Variants in RBFOX1 observed in about 807,000 individuals in gnomAD.
RBFOX1 encodes the protein RNA binding protein fox-1 homolog 1.
Under a neutral mutation model 57.7 loss-of-function variants are expected in RBFOX1, and 8 were observed. The ratio of observed to expected loss-of-function variants is 0.14; its 90% CI spans 0.08 to 0.25. The LOEUF (loss-of-function observed/expected upper bound fraction) is 0.25, where lower values mean the gene tolerates loss of function less well. Ranked by LOEUF, RBFOX1 falls within the 10% of genes least tolerant of loss-of-function variation. The probability of loss-of-function intolerance (pLI) is 1.00; values close to 1 mark genes in which losing one functional copy is unlikely to be tolerated. For synonymous variants in RBFOX1, 326 were observed against 222.4 expected (o/e 1.47, Z -4.15); for missense variants, 611 against 548.5 (o/e 1.11, Z -1.14).
chr16:5,564,981 G>A (rs562216182), intron 2 of RBFOX1, among the ~76,000 whole-genome samples: 23 of 152,246 alleles, frequency 1.5e-4, no homozygotes, highest in African/African-American at 5.5e-4. Flanking sequence ...TACTGGATGA[G>A]GGATGGCACT....
intron 3 of RBFOX1, among the ~76,000 whole-genome samples, chr16:5,807,874 G>A (rs995107218): frequency 1.3e-5 from 2 of 152,180 alleles, no homozygotes; most frequent in Admixed American, 6.5e-5. Context: ...TGAGGAGCAG[G>A]GAGCTGGACA....
At chr16:6,773,558 G>A (rs530413047) in intron 3 of RBFOX1, among the ~76,000 whole-genome samples, 2 of 143,014 alleles carry the variant, frequency 1.4e-5, no homozygotes, top group Admixed American at 7.0e-5. Flanking sequence ...GTGCATTTGT[G>A]TGTGTATGTG....
intron 3 of RBFOX1, among the ~76,000 whole-genome samples, chr16:6,905,277 G>T (rs145849419): frequency 1.2e-3 from 180 of 151,980 alleles, no homozygotes; most frequent in Non-Finnish European, 1.2e-4. Flanking sequence ...AGAATGGCTG[G>T]CCTCAGTAGG....
At chr16:6,862,970 G>C (rs1367665068) in intron 3 of RBFOX1, among the ~76,000 whole-genome samples, 1 of 140,322 alleles carries the variant, frequency 7.1e-6, no homozygotes, top group Non-Finnish European at 1.6e-5. Flanking sequence ...GGGCGACAGA[G>C]GGAGACTCTG....
At chr16:7,321,976 C>T (rs1056976261) in intron 4 of RBFOX1, among the ~76,000 whole-genome samples, 2 of 152,234 alleles carry the variant, frequency 1.3e-5, no homozygotes, top group Non-Finnish European at 2.9e-5. Flanking sequence ...CAGCTTGGTT[C>T]TGGGTCCCTC....
At chr16:7,219,651 C>T (rs766441159) in intron 4 of RBFOX1, among the ~76,000 whole-genome samples, 1 of 152,102 alleles carries the variant, frequency 6.6e-6, no homozygotes, top group Non-Finnish European at 1.5e-5. Context: ...TTGTCAAACT[C>T]GGAGTAAAAC....
intron 2 of RBFOX1, among the ~76,000 whole-genome samples, chr16:5,510,463 G>T (rs181833056): frequency 2.0e-5 from 3 of 151,266 alleles, no homozygotes; most frequent in Non-Finnish European, 4.4e-5. Context: ...GCCTCTCAAA[G>T]CCAAGTCCTG....
rs529051773 is a variant in RBFOX1, at chr16:7,178,027, C to T, written c.27+125929C>T. On this transcript the variant is annotated intron_variant, in intron 4 of 15. Transcript: ENST00000550418. ...GATTCAGAATCTCTGAGAGTAAAGG[C>T]CAGCCATGTACACTTGTACTGTTGT... is the stretch of plus-strand genomic sequence containing the variant. Among the ~76,000 whole-genome samples, 9 of 152,288 alleles carry T rather than the reference C, an allele frequency of 5.9e-5. No homozygotes were observed. In the South Asian group the frequency reaches 1.9e-3, roughly 32 times the overall value.
chr16:7,054,622 A>G (rs962860669), intron 4 of RBFOX1, among the ~76,000 whole-genome samples: 1 of 151,916 alleles, frequency 6.6e-6, no homozygotes, highest in East Asian at 1.9e-4. Context: ...AATGAAATGC[A>G]TTTTCCTCAA....
chr16:6,624,007 G>A (rs2098270805), intron 2 of RBFOX1, among the ~76,000 whole-genome samples: 2 of 152,144 alleles, frequency 1.3e-5, no homozygotes, highest in Admixed American at 1.3e-4. Context: ...AGATCCCTGA[G>A]GAGTCGCCAC....
intron 3 of RBFOX1, among the ~76,000 whole-genome samples, chr16:6,952,462 C>T (rs963655264): frequency 2.0e-5 from 3 of 151,914 alleles, no homozygotes; most frequent in Admixed American, 6.6e-5. Flanking sequence ...GCCTGGGCCA[C>T]GTATTAAGAC....
intron 4 of RBFOX1, among the ~76,000 whole-genome samples, chr16:7,423,709 G>A (rs956591451): frequency 3.0e-4 from 45 of 152,178 alleles, no homozygotes; most frequent in Admixed American, 1.0e-3. Context: ...CAGAGGAGGA[G>A]GCTGGGCCAC....
chr16:6,427,097 G>A (rs183411191), intron 2 of RBFOX1, among the ~76,000 whole-genome samples: 2 of 152,292 alleles, frequency 1.3e-5, no homozygotes, highest in Admixed American at 1.3e-4. Flanking sequence ...GCTGTAGAGT[G>A]ACACAGAAAC....
intron 4 of RBFOX1, among the ~76,000 whole-genome samples, chr16:7,352,816 G>A (rs761410456): frequency 7.2e-4 from 110 of 152,064 alleles, no homozygotes; most frequent in Admixed American, 3.9e-3. Context: ...CTTGGGTTCA[G>A]GTGATCCTCC....
At chr16:6,363,688 C>G (rs1002505869) in intron 2 of RBFOX1, among the ~76,000 whole-genome samples, 1 of 152,158 alleles carries the variant, frequency 6.6e-6, no homozygotes, top group African/African-American at 2.4e-5. Flanking sequence ...GAAAAACACT[C>G]CGGGGCTTAG....
intron 3 of RBFOX1, among the ~76,000 whole-genome samples, chr16:5,701,859 C>T (rs2051061745): frequency 6.6e-6 from 1 of 152,158 alleles, no homozygotes; most frequent in African/African-American, 2.4e-5. Flanking sequence ...TTTAAATGCC[C>T]ATTTTGAATG....
intron 1 of RBFOX1, among the ~76,000 whole-genome samples, chr16:5,257,939 T>C (rs1412918583): frequency 6.6e-6 from 1 of 152,136 alleles, no homozygotes; most frequent in African/African-American, 2.4e-5. Context: ...AGTGCAGTGG[T>C]GTGACCTTGG....
At position 5,307,671 on chromosome 16, in the gene RBFOX1, T is replaced by C. The variant is rs1390626449; in HGVS notation, c.219+67566T>C. Among the ~76,000 whole-genome samples the C allele has an allele frequency of 2.6e-5, 4 of 152,306 alleles. No individual in the cohort carries two copies. The East Asian group carries it at 7.7e-4, about 29-fold the overall frequency. Reference sequence around the variant, plus strand: ...GAGGGTCTTAGATTTTATTTATTTATGATGAATTATTACTACTTTTTAGAG... The same window carrying C: ...GAGGGTCTTAGATTTTATTTATTTACGATGAATTATTACTACTTTTTAGAG... On this transcript the variant is annotated intron_variant, in intron 1 of 2. Transcript: ENST00000585867.
At chr16:5,800,733 A>T (rs1449380968) in intron 3 of RBFOX1, among the ~76,000 whole-genome samples, 1 of 152,200 alleles carries the variant, frequency 6.6e-6, no homozygotes, top group South Asian at 2.1e-4. Flanking sequence ...TTCTGTCCTC[A>T]GTTGCTTCTC....
Sources: gnomAD v4.1 joint callset for allele counts (sites outside exome capture counted in the v4.1 genomes callset) on GRCh38, gnomAD v4.1.1 for gene constraint, MANE v1.5 for transcripts, NCBI Gene and HGNC (gene_info 2026-07-23, HGNC 2026-07-21) for gene names.